Variants in MINDY2 observed in about 807,000 individuals in gnomAD.
MINDY2 encodes the protein MINDY lysine 48 deubiquitinase 2.
MINDY2 carries 52 observed loss-of-function variants against 68.2 expected under a neutral mutation model. That is an observed-to-expected ratio of 0.76 (90% CI 0.61 to 0.96). The LOEUF (loss-of-function observed/expected upper bound fraction) is 0.96. Among genes scored for constraint, MINDY2 ranks in the 40% least tolerant of loss-of-function variants. MINDY2 has a pLI of 0.00. For synonymous variants in MINDY2, 372 were observed against 303.0 expected, an observed-to-expected ratio of 1.23 and a Z score of -2.36; for missense variants, 881 against 773.4, an observed-to-expected ratio of 1.14 and a Z score of -1.65.
At chr15:58,795,939 A>G (rs1432278936) in intron 2 of MINDY2, 5 of 360,590 alleles carry the variant, frequency 1.4e-5, no homozygotes, top group African/African-American at 1.1e-4. Context: ...AATGAAGTCA[A>G]GAGAGGGTGA....
chr15:58,850,987 T>C (rs1194954946), intron 7 of MINDY2, among the ~76,000 whole-genome samples: 1 of 152,136 alleles, frequency 6.6e-6, no homozygotes, highest in African/African-American at 2.4e-5. Context: ...TTTTGTTTTT[T>C]TTTCACGACT....
rs1292469258 is a variant in MINDY2 at position 58,794,385 on chromosome 15, G to GTA, written c.898+6423_898+6424insAT. ...TGTGTGTGTGTGTGTGTGTGTGTGT[G>GTA]TGTGTGTGTGTTTTAAGAATAAAAT... On this transcript the variant is annotated intron_variant, in intron 2 of 8. Coordinates refer to ENST00000559228, the MANE Select transcript of MINDY2 (RefSeq NM_001040450.3). Among the ~76,000 whole-genome samples, 162 of 150,828 alleles carry GTA rather than the reference G, an allele frequency of 1.1e-3. 1 individual carries two copies. The highest frequency in any genetic ancestry group is 3.9e-3 in the African/African-American group (157 of 40,594).
chr15:58,847,759 T>A (rs1351275964), intron 7 of MINDY2, among the ~76,000 whole-genome samples: 2 of 152,234 alleles, frequency 1.3e-5, no homozygotes, highest in Non-Finnish European at 2.9e-5. Context: ...TGATGGGATC[T>A]TCTTTACCTT....
chr15:58,782,703 A>AT (rs1292116924), intron 1 of MINDY2, among the ~76,000 whole-genome samples: 1 of 152,078 alleles, frequency 6.6e-6, no homozygotes, highest in African/African-American at 2.4e-5. Flanking sequence ...GGCTTTGGTA[A>AT]TTGGTAATTT....
At chr15:58,805,899 C>T (rs1309141515) in intron 3 of MINDY2, among the ~76,000 whole-genome samples, 1 of 152,096 alleles carries the variant, frequency 6.6e-6, no homozygotes, top group Non-Finnish European at 1.5e-5. Flanking sequence ...CACAGTGAAA[C>T]CCCATCTCTA....
intron 1 of MINDY2, among the ~76,000 whole-genome samples, chr15:58,785,135 C>CAAAAAAAAAAAAAA (rs397719705): frequency 8.8e-5 from 6 of 68,446 alleles, no homozygotes; most frequent in Admixed American, 2.0e-4. Context: ...TGAAGGAAAG[C>CAAAAAAAAAAAAAA]AAAAAAAAAA....
intron 1 of MINDY2, among the ~76,000 whole-genome samples, chr15:58,782,634 A>G (rs1484642109): frequency 6.6e-6 from 1 of 152,080 alleles, no homozygotes; most frequent in Non-Finnish European, 1.5e-5. Context: ...TTTGTATAAG[A>G]TTTCATTGAG....
Position 58,851,837 on chromosome 15 carries a change from C to A in MINDY2, c.1609C>A (p.Pro537Thr). ...CCAAGAGATCAATTGGGAACAAATC[C>A]CGGAAGGAATCAGTGATTTGGAACT... Reference protein sequence around the residue: ...QSQEINWEQIPEGISDLELAK... With the variant: ...QSQEINWEQITEGISDLELAK... The change falls in exon 8 of 9, where the codon CCG becomes ACG. Residue 537 changes from proline (P) to threonine (T), a missense_variant. Transcript: ENST00000559228. The A allele has an allele frequency of 6.2e-7, 1 of 1,611,864 alleles. No homozygotes were observed. The highest frequency in any genetic ancestry group is 8.5e-7 in the Non-Finnish European group (1 of 1,179,144).
At chr15:58,807,248 G>A (rs1903078472) in intron 3 of MINDY2, among the ~76,000 whole-genome samples, 1 of 150,554 alleles carries the variant, frequency 6.6e-6, no homozygotes. Context: ...GTAAAAGTGT[G>A]TTAAATTTTA....
At chr15:58,796,555 C>G (rs1254454599) in intron 2 of MINDY2, among the ~76,000 whole-genome samples, 2 of 152,186 alleles carry the variant, frequency 1.3e-5, no homozygotes, top group Non-Finnish European at 2.9e-5. Context: ...AACTGGGTCT[C>G]TCTCTGTTGC....
At chr15:58,829,889 T>G (rs908407150) in intron 5 of MINDY2, among the ~76,000 whole-genome samples, 1 of 152,240 alleles carries the variant, frequency 6.6e-6, no homozygotes, top group Non-Finnish European at 1.5e-5. Context: ...GGGAGTGGAA[T>G]AAACCTATGT....
chr15:58,810,205 G>T (rs767501715), intron 3 of MINDY2, 25 bp from the exon 4 acceptor site: 2 of 1,576,012 alleles, frequency 1.3e-6, no homozygotes, highest in South Asian at 1.2e-5. Context: ...TTCTGAATTA[G>T]AACTTTCCCC....
At chr15:58,833,091 C>G (rs1197462021) in intron 6 of MINDY2, among the ~76,000 whole-genome samples, 1 of 152,116 alleles carries the variant, frequency 6.6e-6, no homozygotes, top group Non-Finnish European at 1.5e-5. Flanking sequence ...TTTGTTGTTA[C>G]AGCTGTCACT....
In MINDY2 at chr15:58,771,645, G is replaced by T. The variant is rs573394169; in HGVS notation, c.250G>T (p.Gly84Cys). 13 of 1,612,550 alleles carry T rather than the reference G, an allele frequency of 8.1e-6. No individual in the cohort carries two copies. In the African/African-American group the frequency reaches 1.5e-4, roughly 18 times the overall value. Residue 84 changes from glycine (G) to cysteine (C), a missense_variant, in exon 1 of 9, where the codon GGT (glycine) becomes TGT (cysteine). Coordinates refer to ENST00000559228, the MANE Select transcript of MINDY2 (RefSeq NM_001040450.3). ...EVPGPCSSSA[G>C]LDLKDSGLES... ...TCCCGGACCCTGCAGCTCCTCCGCG[G>T]GTTTGGACTTGAAGGACAGTGGTTT... is the stretch of plus-strand genomic sequence containing the variant.
At chr15:58,830,935 A>G (rs1476768472) in intron 5 of MINDY2, among the ~76,000 whole-genome samples, 1 of 151,748 alleles carries the variant, frequency 6.6e-6, no homozygotes, top group Non-Finnish European at 1.5e-5. Flanking sequence ...GATTTGGGGG[A>G]TCTAAATAAA....
chr15:58,860,499 G>A lies in MINDY2; in HGVS notation c.*5889G>A, dbSNP rs1188301802. On this transcript the variant is annotated 3_prime_UTR_variant, in exon 9 of 9. Coordinates refer to ENST00000559228, the MANE Select transcript of MINDY2 (RefSeq NM_001040450.3). ...TGAGGCGCAAGAATCGCTTGAACCC[G>A]GAAGGCAGAGGTTGCAGTGAGCCAA... 2 of 151,390 alleles carry A rather than the reference G, an allele frequency of 1.3e-5. No individual in the cohort carries two copies. Among genetic ancestry groups the A allele is most frequent in the Non-Finnish European group, 1.5e-5 (1 of 67,958 alleles). The allele number at this position is 151,390 out of a possible 1,614,324, so 9.4% of individuals were successfully genotyped here. A position where few individuals can be genotyped will look rare whatever the true frequency, so the allele number is the denominator to read the frequency against.
intron 4 of MINDY2, among the ~76,000 whole-genome samples, chr15:58,818,605 T>C (rs1223913183): frequency 6.6e-6 from 1 of 152,084 alleles, no homozygotes; most frequent in Non-Finnish European, 1.5e-5. Context: ...TTTGACATCT[T>C]TTTTTATTGG....
At chr15:58,778,870 T>G (rs1900952775) in intron 1 of MINDY2, among the ~76,000 whole-genome samples, 1 of 145,642 alleles carries the variant, frequency 6.9e-6, no homozygotes, top group Admixed American at 7.1e-5. Flanking sequence ...TGGAGTGCAG[T>G]GGCACGATCT....
In MINDY2 at chr15:58,830,484, G is replaced by A. The variant is rs372998567; in HGVS notation, c.1226-1290G>A. 6.6e-5 allele frequency among the ~76,000 whole-genome samples: 10 copies of A among 152,004 alleles called. No homozygotes were observed. The East Asian group carries it at 9.6e-4, about 15-fold the overall frequency. Reference sequence around the variant, plus strand: ...TTCAGATTTCTCATTTTCAGATTAGGGATGCTCAGCTGATCAGTATAATGC... The same window carrying A: ...TTCAGATTTCTCATTTTCAGATTAGAGATGCTCAGCTGATCAGTATAATGC... On this transcript the variant is annotated intron_variant, in intron 5 of 8. Transcript: ENST00000559228.
Sources: gnomAD v4.1 joint callset for allele counts (sites outside exome capture counted in the v4.1 genomes callset) on GRCh38, gnomAD v4.1.1 for gene constraint, MANE v1.5 for transcripts, NCBI Gene and HGNC (gene_info 2026-07-23, HGNC 2026-07-21) for gene names.